The following DSE variants were observed in gnomAD, a reference collection of about 807,000 sequenced individuals.
The protein encoded by DSE is dermatan-sulfate epimerase.
In DSE, 36 loss-of-function variants were observed where a neutral mutation model predicts 84.4. The observed-to-expected ratio is 0.43, with a 90% CI of 0.33 to 0.56. DSE has a LOEUF of 0.56. DSE is among the 20% of genes least tolerant of loss of function. DSE has a pLI of 0.06. For synonymous variants in DSE, 410 were observed against 430.1 expected (o/e 0.95, Z 0.58); for missense variants, 862 against 1,169.6 (o/e 0.74, Z 3.84).
At chr6:116,290,496 A>G (rs145732671) in intron 2 of DSE, among the ~76,000 whole-genome samples, 7 of 152,268 alleles carry the variant, frequency 4.6e-5, no homozygotes, top group African/African-American at 1.7e-4. Flanking sequence ...TGATATTTCT[A>G]AATTAACAGT....
At chr6:116,269,515 T>A (rs1772788646) in intron 2 of DSE, among the ~76,000 whole-genome samples, 1 of 151,952 alleles carries the variant, frequency 6.6e-6, no homozygotes, top group Admixed American at 6.6e-5. Context: ...AAAAGAAGAG[T>A]TGAATTGGAC....
At chr6:116,280,456 C>A (rs1313068541) in intron 2 of DSE, among the ~76,000 whole-genome samples, 1 of 152,168 alleles carries the variant, frequency 6.6e-6, no homozygotes, top group African/African-American at 2.4e-5. Context: ...TGCTAATTTT[C>A]GATTTATAAT....
intron 1 of DSE, among the ~76,000 whole-genome samples, chr6:116,376,164 A>C (rs1779913523): frequency 6.6e-6 from 1 of 152,208 alleles, no homozygotes; most frequent in African/African-American, 2.4e-5. Flanking sequence ...GGCTATTTAC[A>C]GACCCCCTTT....
intron 2 of DSE, among the ~76,000 whole-genome samples, chr6:116,412,067 T>C (rs753747148): frequency 5.9e-5 from 9 of 152,226 alleles, no homozygotes; most frequent in Admixed American, 1.3e-4. Context: ...AGAAAAGTTC[T>C]AAATTAACTT....
At chr6:116,409,270 TG>T (rs995221694) in intron 2 of DSE, among the ~76,000 whole-genome samples, 1 of 152,136 alleles carries the variant, frequency 6.6e-6, no homozygotes, top group Admixed American at 6.5e-5. Flanking sequence ...TTACTGTATT[TG>T]TTTTTTTGTT....
At chr6:116,417,251 T>C (rs1444109930) in intron 2 of DSE, among the ~76,000 whole-genome samples, 1 of 152,216 alleles carries the variant, frequency 6.6e-6, no homozygotes, top group Non-Finnish European at 1.5e-5. Flanking sequence ...TTTGATTCCA[T>C]TTAAATAGAT....
At chr6:116,343,223 G>A (rs1382461365) in intron 2 of DSE, among the ~76,000 whole-genome samples, 2 of 152,208 alleles carry the variant, frequency 1.3e-5, no homozygotes, top group Non-Finnish European at 2.9e-5. Flanking sequence ...TGTGGGCAGG[G>A]CATAGCTGAA....
intron 2 of DSE, among the ~76,000 whole-genome samples, chr6:116,272,781 C>G (rs1772938276): frequency 6.6e-6 from 1 of 152,216 alleles, no homozygotes; most frequent in Admixed American, 6.5e-5. Context: ...GTTTGAGAAC[C>G]ATGAAGCTAG....
intron 2 of DSE, among the ~76,000 whole-genome samples, chr6:116,320,953 G>C (rs1776269887): frequency 6.6e-6 from 1 of 152,154 alleles, no homozygotes; most frequent in Admixed American, 6.5e-5. Flanking sequence ...AAGAAGGAGT[G>C]TACTAAGGCG....
intron 2 of DSE, among the ~76,000 whole-genome samples, chr6:116,331,556 AG>A (rs1562235115): frequency 2.0e-5 from 3 of 152,212 alleles, no homozygotes; most frequent in Non-Finnish European, 4.4e-5. Context: ...TTACAATTCA[AG>A]ATGAGGTTCT....
intron 5 of DSE, among the ~76,000 whole-genome samples, 176 bp from the exon 6 acceptor site, chr6:116,435,411 A>G (rs768771176): frequency 2.0e-4 from 30 of 152,168 alleles, no homozygotes; most frequent in Non-Finnish European, 2.5e-4. Flanking sequence ...CCAGTCACCA[A>G]GGGTTTCCCT....
At chr6:116,425,627 T>TA (rs1007157314) in intron 2 of DSE, among the ~76,000 whole-genome samples, 5 of 94,752 alleles carry the variant, frequency 5.3e-5, no homozygotes, top group African/African-American at 1.9e-4. Context: ...TTATTTTATT[T>TA]TATTTTTTTT....
At chr6:116,360,626 C>T (rs1002282411) in intron 2 of DSE, among the ~76,000 whole-genome samples, 6 of 152,152 alleles carry the variant, frequency 3.9e-5, no homozygotes, top group Non-Finnish European at 5.9e-5. Context: ...TTAATATGTA[C>T]ATAAATTTGG....
chr6:116,341,102 A>G (rs897711280), intron 2 of DSE, among the ~76,000 whole-genome samples: 3 of 152,148 alleles, frequency 2.0e-5, no homozygotes, highest in Non-Finnish European at 4.4e-5. Flanking sequence ...TACACTCCCA[A>G]CAGTGTAAAA....
intron 2 of DSE, among the ~76,000 whole-genome samples, chr6:116,264,322 C>G (rs990744637): frequency 2.4e-4 from 36 of 151,900 alleles, no homozygotes; most frequent in Admixed American, 2.4e-3. Flanking sequence ...TCTTGTCTGA[C>G]TAGCCAGTCT....
chr6:116,355,815 A>G (rs554560792), intron 2 of DSE: 2 of 152,322 alleles, frequency 1.3e-5, no homozygotes, highest in South Asian at 4.1e-4. Context: ...CATCCTGGCA[A>G]AGTACAATCT....
At chr6:116,425,709 G>A (rs541065459) in intron 2 of DSE, among the ~76,000 whole-genome samples, 39 of 147,492 alleles carry the variant, frequency 2.6e-4, no homozygotes, top group Admixed American at 1.7e-3. Context: ...TGCAAGCTCC[G>A]CCTCCCAGGT....
chr6:116,309,289 C>T (rs1324920865), intron 2 of DSE, among the ~76,000 whole-genome samples: 1 of 150,464 alleles, frequency 6.6e-6, no homozygotes, highest in Admixed American at 6.7e-5. Context: ...TTTTTTAAAA[C>T]TTAGTCATTA....
intron 2 of DSE, among the ~76,000 whole-genome samples, chr6:116,260,710 A>G (rs1259797061): frequency 6.6e-6 from 1 of 152,132 alleles, no homozygotes; most frequent in Non-Finnish European, 1.5e-5. Context: ...TGATTAGCCA[A>G]TTATCCCAGT....
Sources: gnomAD v4.1 joint callset for allele counts (sites outside exome capture counted in the v4.1 genomes callset) on GRCh38, gnomAD v4.1.1 for gene constraint, MANE v1.5 for transcripts, NCBI Gene and HGNC (gene_info 2026-07-23, HGNC 2026-07-21) for gene names.